Variants in SNX29 observed in about 807,000 individuals in gnomAD.
The protein encoded by SNX29 is sorting nexin 29, also known as sorting nexin-29.
In SNX29, 78 loss-of-function variants were observed where a neutral mutation model predicts 102.1. The ratio of observed to expected loss-of-function variants is 0.76; its 90% CI spans 0.64 to 0.92. The LOEUF (loss-of-function observed/expected upper bound fraction) is 0.92. Among genes scored for constraint, SNX29 ranks in the 40% least tolerant of loss-of-function variants. SNX29 has a pLI of 0.00. For missense variants in SNX29, 1,280 were observed against 1,061.7 expected (o/e 1.21, Z -2.86); for synonymous variants, 580 against 414.5 (o/e 1.40, Z -4.85).
At chr16:12,495,717 A>G (rs2088786897) in intron 19 of SNX29, among the ~76,000 whole-genome samples, 1 of 152,160 alleles carries the variant, frequency 6.6e-6, no homozygotes, top group Non-Finnish European at 1.5e-5. Flanking sequence ...GGATGGGGTC[A>G]GTGTGGCTGG....
At chr16:12,236,969 T>C (rs916890348) in intron 14 of SNX29, among the ~76,000 whole-genome samples, 49 of 152,198 alleles carry the variant, frequency 3.2e-4, no homozygotes, top group African/African-American at 1.2e-3. Context: ...CTGGGCAGCA[T>C]GAGGGCTTTC....
intron 20 of SNX29, among the ~76,000 whole-genome samples, chr16:12,551,658 T>C (rs2077983951): frequency 6.6e-6 from 1 of 152,206 alleles, no homozygotes; most frequent in South Asian, 2.1e-4. Context: ...AGCTTTGGTT[T>C]CCGTTCCTGT....
intron 10 of SNX29, among the ~76,000 whole-genome samples, chr16:12,076,023 C>T (rs61553326): frequency 0.22 from 33,231 of 152,086 alleles, 4,100 homozygotes; most frequent in African/African-American, 0.34. Context: ...TTCGGAAAAG[C>T]GCAGTATTTG....
intron 20 of SNX29, among the ~76,000 whole-genome samples, chr16:12,563,510 C>A (rs183276845): frequency 2.0e-5 from 3 of 152,310 alleles, no homozygotes; most frequent in Admixed American, 1.3e-4. Context: ...GGAGACTCCT[C>A]CCCGCATGTG....
intron 20 of SNX29, among the ~76,000 whole-genome samples, chr16:12,536,832 C>T (rs1333827834): frequency 6.6e-6 from 1 of 152,066 alleles, no homozygotes; most frequent in Non-Finnish European, 1.5e-5. Flanking sequence ...AAAAATTAGC[C>T]AGGCATGGTG....
At chr16:12,052,262 G>A in intron 8 of SNX29, 40 bp downstream of exon 8, 1 of 1,609,786 alleles carries the variant, frequency 6.2e-7, no homozygotes, top group Non-Finnish European at 8.5e-7. Context: ...CGTCCCCCAG[G>A]CTGGAGTGCC....
At chr16:12,115,485 T>TTGTGTG (rs3222983) in intron 11 of SNX29, among the ~76,000 whole-genome samples, 14,948 of 141,820 alleles carry the variant, frequency 0.11, 861 homozygotes, top group African/African-American at 0.15. Context: ...CCACCTTGAT[T>TTGTGTG]TGTGTGTGTG....
chr16:12,350,691 G>A (rs944802030), intron 15 of SNX29, among the ~76,000 whole-genome samples: 1 of 152,176 alleles, frequency 6.6e-6, no homozygotes, highest in Non-Finnish European at 1.5e-5. Context: ...GTAGGGAATG[G>A]CCCAACTGCC....
At chr16:12,035,768 A>C (rs1216202843) in intron 4 of SNX29, among the ~76,000 whole-genome samples, 1 of 150,564 alleles carries the variant, frequency 6.6e-6, no homozygotes, top group Non-Finnish European at 1.5e-5. Context: ...TGTGGTATGT[A>C]GTCCTTTATC....
intron 20 of SNX29, among the ~76,000 whole-genome samples, chr16:12,546,842 G>A (rs905033207): frequency 2.0e-5 from 3 of 152,198 alleles, no homozygotes; most frequent in African/African-American, 7.2e-5. Context: ...AAGGGATTAA[G>A]ATTATACAGT....
chr16:12,033,107 G>T (rs955326373), intron 4 of SNX29, among the ~76,000 whole-genome samples: 13 of 152,106 alleles, frequency 8.5e-5, no homozygotes, highest in African/African-American at 3.1e-4. Flanking sequence ...TGCCCGCCTT[G>T]GCCTCCCAAA....
At chr16:12,245,276 A>G (rs188636316) in intron 14 of SNX29, among the ~76,000 whole-genome samples, 238 of 152,218 alleles carry the variant, frequency 1.6e-3, no homozygotes, top group Middle Eastern at 6.8e-3. Flanking sequence ...CAGTATTTTC[A>G]TCTGTTAAAT....
At chr16:12,515,414 T>G in intron 19 of SNX29, 1 of 439,788 alleles carries the variant, frequency 2.3e-6, no homozygotes, top group South Asian at 1.7e-5. Flanking sequence ...AATGAGAGGA[T>G]GAATGATTGC....
Position 12,043,054 on chromosome 16 carries a change from C to A in SNX29, c.405C>A (p.Leu135=). The A allele has an allele frequency of 6.2e-7, 1 of 1,613,402 alleles. No individual in the cohort carries two copies. Among genetic ancestry groups the A allele is most frequent in the South Asian group, 1.1e-5 (1 of 91,042 alleles). The part of the protein sequence containing the change: ...EHSLERYLHM[L]LADRCRLSTF... ...CCCTGGAGCGCTACCTGCACATGCT[C>A]CTGGCCGACCGCTGCAGGCTGAGGT... The change falls in exon 5 of 21, where the codon CTC becomes CTA. Residue 135 remains leucine (L), a synonymous_variant. Coordinates refer to ENST00000566228, the MANE Select transcript of SNX29 (RefSeq NM_032167.5).
intron 18 of SNX29, among the ~76,000 whole-genome samples, chr16:12,449,228 G>A (rs561992634): frequency 6.6e-6 from 1 of 152,010 alleles, no homozygotes; most frequent in Non-Finnish European, 1.5e-5. Flanking sequence ...AAGTTGGGTA[G>A]AATTGAGGAG....
At chr16:12,531,558 G>A (rs1243888569) in intron 20 of SNX29, among the ~76,000 whole-genome samples, 2 of 152,074 alleles carry the variant, frequency 1.3e-5, no homozygotes, top group African/African-American at 2.4e-5. Flanking sequence ...TGGCAAGGGG[G>A]CAGCAGCGGC....
intron 14 of SNX29, among the ~76,000 whole-genome samples, chr16:12,258,904 G>T (rs1008958939): frequency 7.9e-5 from 12 of 152,158 alleles, no homozygotes; most frequent in African/African-American, 2.4e-4. Context: ...CTGAGTCTCT[G>T]TCGGAGGAGG....
At position 12,409,646 on chromosome 16, in the gene SNX29, G is replaced by C. The variant is rs560720408; in HGVS notation, c.2037+6117G>C. Among the ~76,000 whole-genome samples the C allele has an allele frequency of 3.3e-5, 5 of 152,112 alleles. No homozygotes were observed. The East Asian group carries it at 5.8e-4, about 18-fold the overall frequency. On this transcript the variant is annotated intron_variant, in intron 18 of 20. Coordinates refer to ENST00000566228, the MANE Select transcript of SNX29 (RefSeq NM_032167.5). The stretch of plus-strand genomic sequence containing the variant: ...GTGTTTCACCGTGTTAGCCAGGATG[G>C]TCTCAATGAGATTCACTGTCTTAAT...
At chr16:12,201,588 A>T (rs2076916112) in intron 14 of SNX29, among the ~76,000 whole-genome samples, 1 of 152,096 alleles carries the variant, frequency 6.6e-6, no homozygotes, top group Admixed American at 6.5e-5. Context: ...TTTTAACTTT[A>T]CTGTGCAGAG....
Sources: allele counts gnomAD v4.1 joint callset (sites outside exome capture counted in the v4.1 genomes callset), GRCh38; gene constraint gnomAD v4.1.1; transcripts MANE v1.5; gene names NCBI Gene and HGNC (gene_info 2026-07-23, HGNC 2026-07-21).